Variants in SPDEF observed in about 807,000 individuals in gnomAD.
SPDEF encodes the protein SAM pointed domain containing ETS transcription factor.
Under a neutral mutation model 36.0 loss-of-function variants are expected in SPDEF, and 12 were observed. The ratio of observed to expected loss-of-function variants is 0.33; its 90% CI spans 0.21 to 0.54. SPDEF has a LOEUF of 0.54. Among genes scored for constraint, SPDEF ranks in the 20% least tolerant of loss-of-function variants. The pLI is 0.93. For synonymous variants in SPDEF, 205 were observed against 193.0 expected (o/e 1.06, Z -0.51); for missense variants, 388 against 456.9 (o/e 0.85, Z 1.37).
At chr6:34,542,913 G>A (rs1283452327) in intron 2 of SPDEF, among the ~76,000 whole-genome samples, 1 of 148,158 alleles carries the variant, frequency 6.7e-6, no homozygotes, top group Non-Finnish European at 1.5e-5. Flanking sequence ...AAAAGAAGAG[G>A]CTGGGCGCGG....
chr6:34,538,582 G>A lies in SPDEF; in HGVS notation c.830-130C>T. ...TGCAGAGGCCTCCCCCTGCTCGGGT[G>A]GGGCGGGGTGTGGGGGCCCAAATGC... On this transcript the variant is annotated intron_variant, in intron 5 of 5. Transcript: ENST00000374037. The surrounding 1 kb of genome is among the most constrained non-coding windows in gnomAD (Gnocchi z 5.9). 1.1e-6 allele frequency: 1 copy of A among 912,690 alleles called. No individual in the cohort carries two copies. The highest frequency in any genetic ancestry group is 1.6e-6 in the Non-Finnish European group (1 of 611,368). The allele number at this position is 912,690 out of a possible 1,614,324, so 56.5% of individuals were successfully genotyped here. A position where few individuals can be genotyped will look rare whatever the true frequency, so the allele number is the denominator to read the frequency against.
intron 3 of SPDEF, among the ~76,000 whole-genome samples, 153 bp downstream of exon 3, chr6:34,540,831 C>T (rs1767801995): frequency 6.6e-6 from 1 of 152,060 alleles, no homozygotes; most frequent in African/African-American, 2.4e-5. Flanking sequence ...GCACCAGGAT[C>T]CAGGAGGCAG....
At chr6:34,553,495 G>GGGGCCA (rs1768106282) in intron 1 of SPDEF, among the ~76,000 whole-genome samples, 1 of 152,200 alleles carries the variant, frequency 6.6e-6, no homozygotes, top group Admixed American at 6.5e-5. Flanking sequence ...CTCTGGGGCT[G>GGGGCCA]GGGCCAGTGA....
At chr6:34,553,194 C>T (rs1768099913) in intron 1 of SPDEF, among the ~76,000 whole-genome samples, 1 of 152,180 alleles carries the variant, frequency 6.6e-6, no homozygotes, top group African/African-American at 2.4e-5. Context: ...TCTGGAGGCC[C>T]CTTTCTACCC....
At chr6:34,549,598 C>T (rs1768018795) in intron 1 of SPDEF, among the ~76,000 whole-genome samples, 1 of 152,214 alleles carries the variant, frequency 6.6e-6, no homozygotes, top group Admixed American at 6.5e-5. Flanking sequence ...TTGCTAAGGA[C>T]CCAGGTCGCT....
At chr6:34,540,892 C>T in intron 3 of SPDEF, 92 bp downstream of exon 3, 1 of 1,215,224 alleles carries the variant, frequency 8.2e-7, no homozygotes, top group Non-Finnish European at 1.2e-6. Context: ...GGCCAAGGGG[C>T]TGCTGCCCTA....
rs1768152248 is a variant in SPDEF at position 34,555,676 on chromosome 6, A to ACC, written c.-30+251_-30+252dup. Among the ~76,000 whole-genome samples, 1 of 151,052 alleles carries ACC rather than the reference A, an allele frequency of 6.6e-6. No individual in the cohort carries two copies. Among genetic ancestry groups the ACC allele is most frequent in the South Asian group, 2.1e-4 (1 of 4,766 alleles). The stretch of plus-strand genomic sequence containing the variant: ...GGGCAGACTGGGCTCAGTGTGGGGG[A>ACC]CCCCAGGCCTTGCCGGGCAAGGGGG... On this transcript the variant is annotated intron_variant, in intron 1 of 5. Coordinates refer to ENST00000374037, the MANE Select transcript of SPDEF (RefSeq NM_012391.3). This position sits in a 1 kb window ranked among gnomAD's most constrained non-coding sequence, Gnocchi z 5.2.
rs1428408067 is a variant in SPDEF, at chr6:34,539,133, G to A, written c.829+117C>T. ...CTGCATATTTGGCATCTAGGACAAA[G>A]GTGGGGATCAGCTTCACCCCTCTGC... is the stretch of plus-strand genomic sequence containing the variant. On this transcript the variant is annotated intron_variant, in intron 5 of 5. Coordinates refer to ENST00000374037, the MANE Select transcript of SPDEF (RefSeq NM_012391.3). The surrounding 1 kb of genome is among the most constrained non-coding windows in gnomAD (Gnocchi z 5.2). 7 of 1,222,294 alleles carry A rather than the reference G, an allele frequency of 5.7e-6. No individual in the cohort carries two copies. The East Asian group carries it at 1.6e-4, about 28-fold the overall frequency. The allele number at this position is 1,222,294 out of a possible 1,614,324, so 75.7% of individuals were successfully genotyped here. A position where few individuals can be genotyped will look rare whatever the true frequency, so the allele number is the denominator to read the frequency against.
chr6:34,541,290 G>C, intron 2 of SPDEF, 109 bp from the exon 3 acceptor site: 1 of 1,138,384 alleles, frequency 8.8e-7, no homozygotes, highest in South Asian at 1.5e-5. Flanking sequence ...CTTGGGGATG[G>C]GGATAGGTCA....
Position 34,544,401 on chromosome 6 carries a change from G to T in SPDEF, c.55C>A (p.Pro19Thr). The change falls in exon 2 of 6, where the codon CCC becomes ACC. Residue 19 changes from proline to threonine, a missense_variant. Pro to Thr is a conservative substitution (Grantham distance 38). Transcript: ENST00000374037. This position sits in a 1 kb window ranked among gnomAD's most constrained non-coding sequence, Gnocchi z 4.4. ...SSVSPSHLLL[P>T]PDTVSRTGLE... ...CCTGTCCGCGACACCGTGTCGGGGG[G>T]CAGCAGGAGGTGGCTGGGGGATACG... 6.3e-7 allele frequency: 1 copy of T among 1,589,028 alleles called. No homozygotes were observed. Among genetic ancestry groups the T allele is most frequent in the Non-Finnish European group, 8.6e-7 (1 of 1,165,530 alleles).
At chr6:34,540,363 C>T (rs1259873880) in intron 3 of SPDEF, among the ~76,000 whole-genome samples, 2 of 151,164 alleles carry the variant, frequency 1.3e-5, no homozygotes, top group African/African-American at 2.4e-5. Flanking sequence ...ATACCCAAGA[C>T]ATACTGTGGT....
At chr6:34,548,629 G>A (rs968292591) in intron 1 of SPDEF, among the ~76,000 whole-genome samples, 22 of 152,280 alleles carry the variant, frequency 1.4e-4, no homozygotes, top group Admixed American at 9.8e-4. Context: ...AGCAGGGTCC[G>A]GACCAGAACC....
rs1379903305 is a variant in SPDEF, at chr6:34,543,229, AG to A, written c.436+790del. Among the ~76,000 whole-genome samples the A allele has an allele frequency of 1.4e-3, 208 of 150,398 alleles. 7 individuals carry two copies. The highest frequency in any genetic ancestry group is 0.014 in the Admixed American group (204 of 14,958). On this transcript the variant is annotated intron_variant, in intron 2 of 5. Coordinates refer to ENST00000374037, the MANE Select transcript of SPDEF (RefSeq NM_012391.3). ...AAAAAAAAAAAAAAAAAGAAGAAAA[AG>A]AAAAAAAAAAGAAATGCTTATTATT...
intron 2 of SPDEF, among the ~76,000 whole-genome samples, chr6:34,543,689 A>T (rs1767876614): frequency 6.6e-6 from 1 of 152,144 alleles, no homozygotes; most frequent in South Asian, 2.1e-4. Context: ...ATGTTGTGGG[A>T]ACAGCAAACA....
intron 1 of SPDEF, among the ~76,000 whole-genome samples, chr6:34,548,744 C>T (rs929383512): frequency 6.6e-6 from 1 of 152,218 alleles, no homozygotes; most frequent in African/African-American, 2.4e-5. Flanking sequence ...GATGCCCTTT[C>T]CTTCTCATCA....
intron 1 of SPDEF, among the ~76,000 whole-genome samples, chr6:34,549,010 A>G (rs1768006283): frequency 6.6e-6 from 1 of 152,234 alleles, no homozygotes; most frequent in Admixed American, 6.5e-5. Flanking sequence ...CCGTAGGCCA[A>G]GGGTCCTGGG....
chr6:34,538,343 G>C lies in SPDEF; in HGVS notation c.939C>G (p.Tyr313Ter), dbSNP rs770570572. The C allele has an allele frequency of 6.2e-7, 1 of 1,614,036 alleles. No homozygotes were observed. ...CTGGCTTCCGGATGATGCCCTTCTTGTAATACTGGCGGATGGAGCGGCTCA... is the reference window on the plus strand; with the variant it reads ...CTGGCTTCCGGATGATGCCCTTCTTCTAATACTGGCGGATGGAGCGGCTCA... Reference protein sequence around the residue: ...DKLSRSIRQYYKKGIIRKPDI... With the variant: ...DKLSRSIRQY The change falls in exon 6 of 6, where the codon TAC (tyrosine) becomes TAG (stop). Residue 313 changes from tyrosine to a stop codon, truncating the protein, a stop_gained. Coordinates refer to ENST00000374037, the MANE Select transcript of SPDEF (RefSeq NM_012391.3). LOFTEE classifies it high-confidence loss of function. This position sits in a 1 kb window ranked among gnomAD's most constrained non-coding sequence, Gnocchi z 5.9.
At chr6:34,543,973 T>G (rs1323592030) in intron 2 of SPDEF, 47 bp downstream of exon 2, 1 of 1,579,036 alleles carries the variant, frequency 6.3e-7, no homozygotes, top group Non-Finnish European at 8.6e-7. Context: ...GACCTCAGCC[T>G]TGCCTGTGAC....
At chr6:34,543,247 C>T (rs1271593157) in intron 2 of SPDEF, among the ~76,000 whole-genome samples, 1 of 142,008 alleles carries the variant, frequency 7.0e-6, no homozygotes, top group Non-Finnish European at 1.5e-5. Context: ...AAAAGAAATG[C>T]TTATTATTGA....
Sources: gnomAD v4.1 joint callset for allele counts (sites outside exome capture counted in the v4.1 genomes callset) on GRCh38, gnomAD v4.1.1 for gene constraint, Gnocchi (gnomAD v3.1) non-coding constraint, MANE v1.5 for transcripts, NCBI Gene and HGNC (gene_info 2026-07-23, HGNC 2026-07-21) for gene names.